The following AKT2 variants were observed in gnomAD, a reference collection of about 807,000 sequenced individuals.
AKT2 encodes the protein AKT serine/threonine kinase 2, also known as RAC-beta serine/threonine-protein kinase.
Under a neutral mutation model 58.6 loss-of-function variants are expected in AKT2, and 16 were observed. The ratio of observed to expected loss-of-function variants is 0.27; its 90% CI spans 0.18 to 0.41. The LOEUF (loss-of-function observed/expected upper bound fraction) is 0.41, where lower values mean the gene tolerates loss of function less well. AKT2 is among the 10% of genes least tolerant of loss of function. The pLI is 1.00. For synonymous variants in AKT2, 253 were observed against 254.0 expected, an observed-to-expected ratio of 1.00 and a Z score of 0.04; for missense variants, 438 against 661.0, an observed-to-expected ratio of 0.66 and a Z score of 3.70.
intron 4 of AKT2, among the ~76,000 whole-genome samples, chr19:40,247,069 G>A (rs965881060): frequency 4.6e-5 from 7 of 152,212 alleles, no homozygotes; most frequent in Non-Finnish European, 1.0e-4. Flanking sequence ...AGTAACTGGG[G>A]CTCGCCTGCT....
At chr19:40,258,223 A>G (rs918113560) in intron 2 of AKT2, among the ~76,000 whole-genome samples, 5 of 149,926 alleles carry the variant, frequency 3.3e-5, no homozygotes, top group Non-Finnish European at 5.9e-5. Flanking sequence ...CAGCCTGGGC[A>G]ACAAGAGCGA....
intron 1 of AKT2, chr19:40,269,459 A>G (rs1023290825): frequency 6.6e-6 from 1 of 152,234 alleles, no homozygotes; most frequent in Non-Finnish European, 1.5e-5. Context: ...GACAAGGCCA[A>G]CTGCTGGCTC....
chr19:40,247,704 T>C (rs1974845770), intron 4 of AKT2, among the ~76,000 whole-genome samples: 3 of 152,160 alleles, frequency 2.0e-5, no homozygotes, highest in Admixed American at 1.3e-4. Flanking sequence ...CACCTTCCAC[T>C]TGCAGAGGCT....
intron 1 of AKT2, among the ~76,000 whole-genome samples, chr19:40,272,197 A>AGGCGGCCTG (rs1438006107): frequency 6.6e-6 from 1 of 152,276 alleles, no homozygotes; most frequent in African/African-American, 2.4e-5. Flanking sequence ...CAGGAAGTAC[A>AGGCGGCCTG]GGCGGCCTGG....
intron 3 of AKT2, 54 bp downstream of exon 3, chr19:40,256,872 G>A (rs1052082299): frequency 9.3e-6 from 15 of 1,611,942 alleles, no homozygotes; most frequent in Middle Eastern, 1.7e-4. Flanking sequence ...CCCCTAAGAC[G>A]TGCCAGCCAT....
At chr19:40,256,700 G>A (rs1000599817) in intron 3 of AKT2, among the ~76,000 whole-genome samples, 3 of 152,236 alleles carry the variant, frequency 2.0e-5, no homozygotes, top group Non-Finnish European at 4.4e-5. Flanking sequence ...GCTGGGTGTG[G>A]GCAAATGCCC....
At chr19:40,273,040 C>T (rs950544759) in intron 1 of AKT2, among the ~76,000 whole-genome samples, 2 of 152,074 alleles carry the variant, frequency 1.3e-5, no homozygotes, top group Non-Finnish European at 2.9e-5. Context: ...CTGCTCAACA[C>T]GTATCAAATA....
intron 1 of AKT2, among the ~76,000 whole-genome samples, chr19:40,277,400 T>C (rs1008657289): frequency 2.0e-5 from 3 of 152,140 alleles, no homozygotes; most frequent in African/African-American, 7.2e-5. Flanking sequence ...TAGGGCGCCC[T>C]GTCTCCAAAG....
intron 4 of AKT2, chr19:40,243,868 C>G (rs903768165): frequency 6.6e-6 from 1 of 151,834 alleles, no homozygotes; most frequent in African/African-American, 2.4e-5. Context: ...CATAGTAAAA[C>G]CCAGTCTCTA....
intron 4 of AKT2, among the ~76,000 whole-genome samples, chr19:40,254,220 C>T (rs1441787240): frequency 6.6e-6 from 1 of 152,156 alleles, no homozygotes; most frequent in East Asian, 1.9e-4. Context: ...GCCTCAAAAT[C>T]AATAGAGATG....
chr19:40,262,995 G>A (rs1373154631), intron 2 of AKT2, among the ~76,000 whole-genome samples: 6 of 152,194 alleles, frequency 3.9e-5, no homozygotes, highest in Admixed American at 6.5e-5. Context: ...GTGCACAAGC[G>A]TGTGTGTAGG....
chr19:40,241,734 A>C, intron 6 of AKT2: 1 of 736,742 alleles, frequency 1.4e-6, no homozygotes, highest in Non-Finnish European at 2.2e-6. Flanking sequence ...CCCAGCCCCT[A>C]ACATAGGGTG....
rs1322430154 is a variant in AKT2 at position 40,231,075 on chromosome 19, C to T, written c.*2797G>A. On this transcript the variant is annotated 3_prime_UTR_variant, in exon 14 of 14. Coordinates refer to ENST00000392038, the MANE Select transcript of AKT2 (RefSeq NM_001626.6). ...TGTGAAATTTTTAAAATGTACATTG[C>T]AAAAGACGATTATTCTACTCAAAAT... The T allele has an allele frequency of 4.6e-6, 1 of 219,516 alleles. No individual in the cohort carries two copies. Among genetic ancestry groups the T allele is most frequent in the East Asian group, 6.6e-5 (1 of 15,130 alleles). The allele number at this position is 219,516 out of a possible 1,614,324, so 13.6% of individuals were successfully genotyped here. A position where few individuals can be genotyped will look rare whatever the true frequency, so the allele number is the denominator to read the frequency against.
At chr19:40,239,168 T>C (rs1031322858) in intron 7 of AKT2, 195 bp from the exon 8 acceptor site, 28 of 576,702 alleles carry the variant, frequency 4.9e-5, no homozygotes, top group South Asian at 4.7e-4. Context: ...GGCTCTGCGG[T>C]AGGAAAGGGT....
chr19:40,264,238 G>T (rs1283618236), intron 2 of AKT2, among the ~76,000 whole-genome samples: 1 of 152,122 alleles, frequency 6.6e-6, no homozygotes, highest in African/African-American at 2.4e-5. Flanking sequence ...ACAGAAGCTG[G>T]CCTGGGACAA....
chr19:40,284,901 G>T, intron 1 of AKT2: 1 of 287,040 alleles, frequency 3.5e-6, no homozygotes, highest in Non-Finnish European at 6.4e-6. Context: ...GAAAGGTCCA[G>T]CCCCCGGCCC....
At chr19:40,281,311 C>T (rs2077419799) in intron 1 of AKT2, among the ~76,000 whole-genome samples, 2 of 152,096 alleles carry the variant, frequency 1.3e-5, no homozygotes, top group Non-Finnish European at 2.9e-5. Context: ...AGCAACATAG[C>T]GAGACTCCCG....
chr19:40,231,235 A>T lies in AKT2; in HGVS notation c.*2637T>A, dbSNP rs536776821. On this transcript the variant is annotated 3_prime_UTR_variant, in exon 14 of 14. Coordinates refer to ENST00000392038, the MANE Select transcript of AKT2 (RefSeq NM_001626.6). ...GACCCCATCCTGTGGAAGAGGAGAG[A>T]GGCACTAAAAAGATGAGGTAGCCAG... 4 of 232,220 alleles carry T rather than the reference A, an allele frequency of 1.7e-5. No homozygotes were observed. The highest frequency in any genetic ancestry group is 1.7e-4 in the Admixed American group (3 of 17,754). The allele number at this position is 232,220 out of a possible 1,614,324, so 14.4% of individuals were successfully genotyped here.
Position 40,235,778 on chromosome 19 carries a change from G to T in AKT2, c.1175+112C>A. ...ACGTTTTCAGGGGCTGTGTGGGGAC[G>T]ACACACTGCGACCCTACAAGCGAGC... is the stretch of plus-strand genomic sequence containing the variant. On this transcript the variant is annotated intron_variant, in intron 11 of 13. Coordinates refer to ENST00000392038, the MANE Select transcript of AKT2 (RefSeq NM_001626.6). The surrounding 1 kb of genome is among the most constrained non-coding windows in gnomAD (Gnocchi z 6.3). 1 of 1,137,946 alleles carries T rather than the reference G, an allele frequency of 8.8e-7. No homozygotes were observed. The highest frequency in any genetic ancestry group is 1.5e-5 in the African/African-American group (1 of 64,600). 70.5% of individuals were successfully genotyped at this position (1,137,946 alleles called of 1,614,324 possible).
Sources: allele counts gnomAD v4.1 joint callset (sites outside exome capture counted in the v4.1 genomes callset), GRCh38; gene constraint gnomAD v4.1.1; non-coding constraint Gnocchi (gnomAD v3.1); transcripts MANE v1.5; gene names NCBI Gene and HGNC (gene_info 2026-07-23, HGNC 2026-07-21).